Variants in SLC18B1 observed in about 807,000 individuals in gnomAD.
The protein encoded by SLC18B1 is solute carrier family 18 member B1, also known as MFS-type transporter SLC18B1.
In SLC18B1, 62 loss-of-function variants were observed where a neutral mutation model predicts 53.9. That is an observed-to-expected ratio of 1.15 (90% CI 0.94 to 1.42). The LOEUF (loss-of-function observed/expected upper bound fraction) is 1.42. Ranked by LOEUF, SLC18B1 falls within the 40% of genes most tolerant of loss-of-function variation. The pLI is 0.00. For missense variants in SLC18B1, 598 were observed against 547.3 expected, an observed-to-expected ratio of 1.09 and a Z score of -0.93; for synonymous variants, 217 against 200.9, an observed-to-expected ratio of 1.08 and a Z score of -0.68.
intron 2 of SLC18B1, among the ~76,000 whole-genome samples, chr6:132,796,532 G>GAAA (rs56286125): frequency 3.5e-4 from 27 of 77,866 alleles, no homozygotes; most frequent in Non-Finnish European, 4.5e-4. Flanking sequence ...GTCTCGAAAG[G>GAAA]AAAAAAAAAA....
intron 6 of SLC18B1, among the ~76,000 whole-genome samples, 171 bp from the exon 7 acceptor site, chr6:132,779,575 C>A (rs1432198168): frequency 6.6e-6 from 1 of 152,122 alleles, no homozygotes; most frequent in Admixed American, 6.5e-5. Flanking sequence ...ATTATTCAAA[C>A]CTAGAGGCCA....
intron 6 of SLC18B1, among the ~76,000 whole-genome samples, chr6:132,781,403 C>T (rs896982536): frequency 6.6e-6 from 1 of 152,042 alleles, no homozygotes; most frequent in African/African-American, 2.4e-5. Context: ...AGGAAAAATA[C>T]TGACCACTAT....
At position 132,773,048 on chromosome 6, in the gene SLC18B1, G is replaced by A; in HGVS notation, c.1030C>T (p.Leu344Phe). Reference sequence around the variant, plus strand: ...GGAATTATACTCATTCCAGCAGAGAGGCCACTTACAACTAATATCAGCACC... The same window carrying A: ...GGAATTATACTCATTCCAGCAGAGAAGCCACTTACAACTAATATCAGCACC... ...LLVLILVVSG[L>F]SAGMSIIPTF... Residue 344 changes from leucine (L) to phenylalanine (F), a missense_variant, in exon 10 of 14, where the codon CTC becomes TTC. Transcript: ENST00000275227. The A allele has an allele frequency of 8.7e-6, 14 of 1,613,990 alleles. No homozygotes were observed. The highest frequency in any genetic ancestry group is 1.2e-5 in the Non-Finnish European group (14 of 1,179,910).
intron 4 of SLC18B1, among the ~76,000 whole-genome samples, chr6:132,788,083 C>G (rs188336943): frequency 1.4e-4 from 21 of 151,860 alleles, no homozygotes; most frequent in African/African-American, 4.8e-4. Flanking sequence ...ATGGCATGAA[C>G]CTGGGCGGCG....
Position 132,772,205 on chromosome 6 carries a change from C to T in SLC18B1, c.1087G>A (p.Glu363Lys), listed in dbSNP as rs1780994408. 2 of 1,559,628 alleles carry T rather than the reference C, an allele frequency of 1.3e-6. No homozygotes were observed. Among genetic ancestry groups the T allele is most frequent in the South Asian group, 2.5e-5 (2 of 80,500 alleles). ...TFPEILSCAH[E>K]NGFEEGLSTL... ...CTTAATCCCTCTTCAAACCCATTTT[C>T]ACTGCAAAAAGAGACATGAGTGTAT... is the stretch of plus-strand genomic sequence containing the variant. The change falls in exon 11 of 14, where the codon GAA becomes AAA. Residue 363 changes from glutamate to lysine, a missense_variant and splice_region_variant. Coordinates refer to ENST00000275227, the MANE Select transcript of SLC18B1 (RefSeq NM_052831.3).
chr6:132,782,851 T>A (rs1335336361), intron 6 of SLC18B1, among the ~76,000 whole-genome samples: 2 of 151,936 alleles, frequency 1.3e-5, no homozygotes, highest in African/African-American at 4.8e-5. Context: ...CTTGGCTCAC[T>A]GCAACCTCCG....
chr6:132,786,315 G>A (rs918880936), intron 5 of SLC18B1, among the ~76,000 whole-genome samples: 6 of 152,162 alleles, frequency 3.9e-5, no homozygotes, highest in African/African-American at 2.4e-5. Flanking sequence ...GGAGGCTGAG[G>A]CAGGTGGATC....
Position 132,770,300 on chromosome 6 carries a change from TTCC to T in SLC18B1, c.1338_1340del (p.Glu447del). The T allele has an allele frequency of 2.5e-6, 4 of 1,613,918 alleles. No homozygotes were observed. The highest frequency in any genetic ancestry group is 1.6e-4 in the Middle Eastern group (1 of 6,062). ...TTTCATTAGGCAAGAGAGTAGTTCGTTCCTCCTCTGTGCTGAGGATGTTTTGAG... is the reference window on the plus strand; with the variant it reads ...TTTCATTAGGCAAGAGAGTAGTTCGTTCCTCTGTGCTGAGGATGTTTTGAG... On this transcript the variant is annotated inframe_deletion, in exon 14 of 14. Coordinates refer to ENST00000275227, the MANE Select transcript of SLC18B1 (RefSeq NM_052831.3).
chr6:132,776,417 C>T lies in SLC18B1; in HGVS notation c.808G>A (p.Ala270Thr), dbSNP rs532206365. ...AGGAATACTAGTCCCACATATCCAG[C>T]TGGTAAATTGAACTGTAAAAGAAAT... ...LFVLEKFNLP[A>T]GYVGLVFLGM... Residue 270 changes from alanine (A) to threonine (T), a missense_variant, in exon 8 of 14, where the codon GCT (alanine) becomes ACT (threonine). Physicochemically the swap from Ala to Thr is moderately conservative, Grantham distance 58. Transcript: ENST00000275227. The T allele has an allele frequency of 8.2e-5, 133 of 1,612,572 alleles. 2 individuals are homozygous for T. The South Asian group carries it at 1.4e-3, about 17-fold the overall frequency.
intron 5 of SLC18B1, among the ~76,000 whole-genome samples, chr6:132,785,897 C>CAAAAAAAAAAAAAAAAAAGAAAAAAAA (rs1781356342): frequency 7.4e-5 from 6 of 81,180 alleles, no homozygotes; most frequent in Non-Finnish European, 9.8e-5. Context: ...CCTGTCTCTA[C>CAAAAAAAAAAAAAAAAAAGAAAAAAAA]AAAAAAAAAA....
chr6:132,788,332 C>T (rs1781436721), intron 4 of SLC18B1, among the ~76,000 whole-genome samples: 1 of 151,954 alleles, frequency 6.6e-6, no homozygotes, highest in Admixed American at 6.5e-5. Context: ...AATAGTACCT[C>T]ACCCATAATT....
At chr6:132,774,187 A>C in intron 9 of SLC18B1, 35 bp downstream of exon 9, 21 of 1,481,108 alleles carry the variant, frequency 1.4e-5, no homozygotes, top group Non-Finnish European at 1.8e-5. Flanking sequence ...TCCTAATGTT[A>C]TTTGGCCAAA....
intron 2 of SLC18B1, among the ~76,000 whole-genome samples, chr6:132,792,360 A>T (rs536727244): frequency 7.3e-6 from 1 of 137,884 alleles, no homozygotes; most frequent in Non-Finnish European, 1.5e-5. Flanking sequence ...AGGAAGGGAA[A>T]GAAAGAAAAG....
At chr6:132,785,749 C>A (rs1001291931) in intron 5 of SLC18B1, among the ~76,000 whole-genome samples, 1 of 151,754 alleles carries the variant, frequency 6.6e-6, no homozygotes, top group Non-Finnish European at 1.5e-5. Flanking sequence ...TTTAAGAGAT[C>A]AACAAGTCTT....
At chr6:132,792,816 A>G (rs1459045444) in intron 2 of SLC18B1, among the ~76,000 whole-genome samples, 1 of 152,132 alleles carries the variant, frequency 6.6e-6, no homozygotes, top group Non-Finnish European at 1.5e-5. Flanking sequence ...AAGCAAAAAC[A>G]GCTATTAAAA....
Position 132,772,152 on chromosome 6 carries a change from A to G in SLC18B1, c.1140T>C (p.Phe380=). 1 of 1,579,038 alleles carries G rather than the reference A, an allele frequency of 6.3e-7. No individual in the cohort carries two copies. Among genetic ancestry groups the G allele is most frequent in the South Asian group, 1.2e-5 (1 of 83,490 alleles). The change falls in exon 11 of 14, where the codon TTT becomes TTC. Residue 380 remains phenylalanine (F), a synonymous_variant. Coordinates refer to ENST00000275227, the MANE Select transcript of SLC18B1 (RefSeq NM_052831.3). The part of the protein sequence containing the change: ...LSTLGLVSGL[F]SAMWSIGAFM... Reference sequence around the variant, plus strand: ...CTCACCCAATTGACCACATTGCACTAAAAAGACCTGATACAAGTCCCAATG... The same window carrying G: ...CTCACCCAATTGACCACATTGCACTGAAAAGACCTGATACAAGTCCCAATG...
intron 5 of SLC18B1, among the ~76,000 whole-genome samples, chr6:132,785,102 G>A (rs1376972126): frequency 1.4e-5 from 2 of 147,050 alleles, no homozygotes; most frequent in African/African-American, 2.5e-5. Context: ...TTGTTCTCGT[G>A]CTCTCTCTCT....
chr6:132,798,618 C>G lies in SLC18B1; in HGVS notation c.-162G>C, dbSNP rs12211701. On this transcript the variant is annotated 5_prime_UTR_variant, in exon 1 of 14. Coordinates refer to ENST00000275227, the MANE Select transcript of SLC18B1 (RefSeq NM_052831.3). ...AGCGATCCGCCCGGCCCGGAGCTCC[C>G]CAAAGCCTTCCAGGACTCTGGGTCC... 102,066 of 672,860 alleles carry G rather than the reference C, an allele frequency of 0.15. 11,848 individuals carry two copies. Among genetic ancestry groups the G allele is most frequent in the African/African-American group, 0.51 (27,003 of 52,960 alleles). The allele number at this position is 672,860 out of a possible 1,614,324, so 41.7% of individuals were successfully genotyped here.
chr6:132,778,450 A>G (rs1365193549), intron 7 of SLC18B1, among the ~76,000 whole-genome samples: 1 of 152,184 alleles, frequency 6.6e-6, no homozygotes, highest in Non-Finnish European at 1.5e-5. Flanking sequence ...GGGTAGTGTA[A>G]AATTATAAGA....
Sources: gnomAD v4.1 joint callset for allele counts (sites outside exome capture counted in the v4.1 genomes callset) on GRCh38, gnomAD v4.1.1 for gene constraint, MANE v1.5 for transcripts, NCBI Gene and HGNC (gene_info 2026-07-23, HGNC 2026-07-21) for gene names.